The following RNF220 variants were observed in gnomAD, a reference collection of about 807,000 sequenced individuals.
RNF220 encodes the protein ring finger protein 220.
Under a neutral mutation model 67.1 loss-of-function variants are expected in RNF220, and 7 were observed. That is an observed-to-expected ratio of 0.10 (90% CI 0.06 to 0.20). The LOEUF (loss-of-function observed/expected upper bound fraction) is 0.20, where lower values mean the gene tolerates loss of function less well. RNF220 is among the 10% of genes least tolerant of loss of function. The pLI, the probability that RNF220 is intolerant of heterozygous loss-of-function variation, is 1.00. For missense variants in RNF220, 565 were observed against 740.3 expected, an observed-to-expected ratio of 0.76 and a Z score of 2.75; for synonymous variants, 270 against 283.2, an observed-to-expected ratio of 0.95 and a Z score of 0.47.
chr1:44,514,971 C>T (rs1659337799), intron 2 of RNF220, among the ~76,000 whole-genome samples: 1 of 152,070 alleles, frequency 6.6e-6, no homozygotes, highest in African/African-American at 2.4e-5. Flanking sequence ...AGGACCAGTC[C>T]TTGAAAATGG....
At chr1:44,486,944 C>T (rs900105565) in intron 2 of RNF220, among the ~76,000 whole-genome samples, 19 of 152,322 alleles carry the variant, frequency 1.2e-4, no homozygotes, top group African/African-American at 4.6e-4. Flanking sequence ...TGGCAAACAG[C>T]AAGTGCTCAA....
rs144264254 is a variant in RNF220 at position 44,607,866 on chromosome 1, G to A, written c.626-6299G>A. 8.0e-3 allele frequency among the ~76,000 whole-genome samples: 1,215 copies of A among 151,186 alleles called. 10 individuals carry two copies. Among genetic ancestry groups the A allele is most frequent in the Non-Finnish European group, 0.011 (741 of 67,938 alleles). On this transcript the variant is annotated intron_variant, in intron 2 of 14. Coordinates refer to ENST00000361799, the MANE Select transcript of RNF220 (RefSeq NM_018150.4). The stretch of plus-strand genomic sequence containing the variant: ...GGTTCCCACGCATCCTTCAGCCTTC[G>A]CTGAATGTCACTTCCTTCACCTTCC...
intron 2 of RNF220, among the ~76,000 whole-genome samples, chr1:44,483,086 G>A (rs919074147): frequency 2.6e-5 from 4 of 151,734 alleles, no homozygotes; most frequent in Non-Finnish European, 4.4e-5. Flanking sequence ...GCACACCATC[G>A]CGCCTGGCTA....
chr1:44,409,090 C>T (rs1647705005), intron 1 of RNF220, among the ~76,000 whole-genome samples: 1 of 152,268 alleles, frequency 6.6e-6, no homozygotes, highest in Admixed American at 6.5e-5. Flanking sequence ...TTTCATTTGT[C>T]TTGGTTCTGG....
In RNF220 at chr1:44,478,115, ATTACAAGGTATGCACCACCAC is replaced by A. The variant is rs1655451944; in HGVS notation, c.625+65394_625+65414del. ...TGTCTCAGCCTCCCAAGTAGCTGGGATTACAAGGTATGCACCACCACACCCGGCTAATTTTTATATTTTTAG... is the reference window on the plus strand; with the variant it reads ...TGTCTCAGCCTCCCAAGTAGCTGGGAACCCGGCTAATTTTTATATTTTTAG... On this transcript the variant is annotated intron_variant, in intron 2 of 14. Transcript: ENST00000361799. 7.9e-5 allele frequency among the ~76,000 whole-genome samples: 12 copies of A among 152,094 alleles called. No homozygotes were observed. In the South Asian group the frequency reaches 1.7e-3, roughly 21 times the overall value.
chr1:44,505,303 C>T (rs1044285023), intron 2 of RNF220, among the ~76,000 whole-genome samples: 2 of 152,196 alleles, frequency 1.3e-5, no homozygotes, highest in African/African-American at 4.8e-5. Flanking sequence ...GCCAAGTCCA[C>T]GAGCTTTGTA....
intron 2 of RNF220, among the ~76,000 whole-genome samples, chr1:44,481,692 AAAG>A (rs1274109911): frequency 2.0e-5 from 3 of 152,196 alleles, no homozygotes; most frequent in East Asian, 1.9e-4. Flanking sequence ...AGGGGGAAAA[AAAG>A]AAGAGCAGAA....
At chr1:44,456,330 A>G (rs1453790701) in intron 2 of RNF220, among the ~76,000 whole-genome samples, 1 of 152,218 alleles carries the variant, frequency 6.6e-6, no homozygotes, top group Non-Finnish European at 1.5e-5. Flanking sequence ...TTCAGATTAT[A>G]TGAATTTTGT....
At chr1:44,451,279 A>G (rs1445900138) in intron 2 of RNF220, among the ~76,000 whole-genome samples, 1 of 152,162 alleles carries the variant, frequency 6.6e-6, no homozygotes, top group Admixed American at 6.5e-5. Flanking sequence ...ATCATTACAC[A>G]TCTCACCAAC....
intron 2 of RNF220, among the ~76,000 whole-genome samples, chr1:44,605,128 G>A (rs1023081578): frequency 6.6e-6 from 1 of 151,904 alleles, no homozygotes; most frequent in African/African-American, 2.4e-5. Context: ...GTGAAACCTC[G>A]TCTCTACTAA....
intron 12 of RNF220, among the ~76,000 whole-genome samples, chr1:44,647,932 C>G (rs1247392080): frequency 6.6e-6 from 1 of 152,194 alleles, no homozygotes; most frequent in Non-Finnish European, 1.5e-5. Context: ...CCCACTCTTC[C>G]AGCATCCTCA....
intron 2 of RNF220, among the ~76,000 whole-genome samples, chr1:44,564,685 A>C (rs1663845560): frequency 6.6e-6 from 1 of 150,840 alleles, no homozygotes; most frequent in Admixed American, 6.6e-5. Context: ...CCTGGCAGGC[A>C]GAGGTGCAGT....
intron 8 of RNF220, among the ~76,000 whole-genome samples, chr1:44,637,888 G>T (rs919796867): frequency 7.9e-5 from 12 of 152,238 alleles, no homozygotes; most frequent in Admixed American, 4.6e-4. Flanking sequence ...GCAGAGAATT[G>T]CTCCAGCTTT....
At chr1:44,527,635 T>G (rs74789924) in intron 2 of RNF220, among the ~76,000 whole-genome samples, 2 of 151,866 alleles carry the variant, frequency 1.3e-5, no homozygotes, top group Non-Finnish European at 1.5e-5. Context: ...ATTAAAAATT[T>G]AAATGCAGGG....
intron 5 of RNF220, chr1:44,626,931 G>A (rs1643960637): frequency 6.6e-6 from 1 of 151,124 alleles, no homozygotes; most frequent in South Asian, 2.1e-4. Context: ...CAGCTACTTG[G>A]GAGGCTGAGG....
At chr1:44,505,015 A>G (rs1173098486) in intron 2 of RNF220, among the ~76,000 whole-genome samples, 1 of 152,198 alleles carries the variant, frequency 6.6e-6, no homozygotes, top group Non-Finnish European at 1.5e-5. Flanking sequence ...TGAAATAGCC[A>G]AGCACTGTGC....
Position 44,596,764 on chromosome 1 carries a change from A to G in RNF220, c.626-17401A>G, listed in dbSNP as rs139940294. 4.6e-3 allele frequency among the ~76,000 whole-genome samples: 707 copies of G among 152,296 alleles called. 1 individual carries two copies. Among genetic ancestry groups the G allele is most frequent in the Non-Finnish European group, 7.0e-3 (473 of 68,014 alleles). On this transcript the variant is annotated intron_variant, in intron 2 of 14. Coordinates refer to ENST00000361799, the MANE Select transcript of RNF220 (RefSeq NM_018150.4). ...AAGGGCCTCTTTCTAGGCAGCAGTG[A>G]GCCTCCCCTCCCATCATTCCCAAAT...
chr1:44,632,330 G>C lies in RNF220; in HGVS notation c.907-13G>C, dbSNP rs905263061. ...CTTTTCTTTTCTTGCATCTGCCCGC[G>C]ATCTTCTCCCAGACCTTTCTGCGAG... is the stretch of plus-strand genomic sequence containing the variant. On this transcript the variant is annotated splice_polypyrimidine_tract_variant and intron_variant, in intron 5 of 14. Coordinates refer to ENST00000361799, the MANE Select transcript of RNF220 (RefSeq NM_018150.4). The C allele has an allele frequency of 1.9e-6, 3 of 1,614,088 alleles. No individual in the cohort carries two copies. Among genetic ancestry groups the C allele is most frequent in the South Asian group, 2.2e-5 (2 of 91,082 alleles).
chr1:44,478,722 TA>T (rs1655512846), intron 2 of RNF220, among the ~76,000 whole-genome samples: 1 of 151,644 alleles, frequency 6.6e-6, no homozygotes, highest in Non-Finnish European at 1.5e-5. Context: ...ACTCTGTCTC[TA>T]AAAAAAAGAG....
Sources: allele counts gnomAD v4.1 joint callset (sites outside exome capture counted in the v4.1 genomes callset), GRCh38; gene constraint gnomAD v4.1.1; transcripts MANE v1.5; gene names NCBI Gene and HGNC (gene_info 2026-07-23, HGNC 2026-07-21).